Variants in EGF observed in about 807,000 individuals in gnomAD.
The protein encoded by EGF is epidermal growth factor, also known as pro-epidermal growth factor.
EGF carries 95 observed loss-of-function variants against 143.8 expected under a neutral mutation model. That is an observed-to-expected ratio of 0.66 (90% CI 0.56 to 0.78). The LOEUF (loss-of-function observed/expected upper bound fraction) is 0.78. Ranked by LOEUF, EGF falls within the 30% of genes least tolerant of loss-of-function variation. The probability of loss-of-function intolerance (pLI) is 0.00; values close to 1 mark genes in which losing one functional copy is unlikely to be tolerated. For synonymous variants in EGF, 510 were observed against 510.5 expected (o/e 1.00, Z 0.01); for missense variants, 1,320 against 1,470.9 (o/e 0.90, Z 1.68).
chr4:110,013,454 G>A lies in EGF; in HGVS notation c.*1999G>A, dbSNP rs528465427. 5.9e-5 allele frequency among the ~76,000 whole-genome samples: 9 copies of A among 152,044 alleles called. No homozygotes were observed. The South Asian group carries it at 1.0e-3, about 18-fold the overall frequency. On this transcript the variant is annotated 3_prime_UTR_variant, in exon 24 of 24. Coordinates refer to ENST00000265171, the MANE Select transcript of EGF (RefSeq NM_001963.6). ...CTAGGCTATCTACCAGCTCCTGGTC[G>A]GATTAAAGAAAAAACACACTTTGTG...
chr4:109,917,976 A>C (rs1736997814), intron 1 of EGF, among the ~76,000 whole-genome samples: 1 of 152,216 alleles, frequency 6.6e-6, no homozygotes, highest in Admixed American at 6.5e-5. Context: ...TAAAATAATT[A>C]AAATGTAAGC....
chr4:109,932,016 C>T (rs1475889870), intron 1 of EGF, among the ~76,000 whole-genome samples: 3 of 151,292 alleles, frequency 2.0e-5, no homozygotes, highest in African/African-American at 7.3e-5. Flanking sequence ...TTCTCTTTTC[C>T]CTTTGACTTA....
chr4:109,993,381 G>T lies in EGF; in HGVS notation c.2857+12G>T. The T allele has an allele frequency of 6.2e-7, 1 of 1,612,950 alleles. No individual in the cohort carries two copies. The highest frequency in any genetic ancestry group is 8.5e-7 in the Non-Finnish European group (1 of 1,179,486). On this transcript the variant is annotated intron_variant, in intron 19 of 23. Transcript: ENST00000265171. ...ACTGATTTGCCCTGGTAGGTTGGTG[G>T]GTGGTCTACAGTGAAGGGGAGGGAC...
chr4:109,959,994 C>G (rs895328511), intron 6 of EGF, among the ~76,000 whole-genome samples: 12 of 152,146 alleles, frequency 7.9e-5, no homozygotes, highest in Non-Finnish European at 1.6e-4. Context: ...GAAAAGAATC[C>G]AATGGCTGCA....
intron 1 of EGF, among the ~76,000 whole-genome samples, chr4:109,916,988 A>T (rs557983876): frequency 2.1e-4 from 32 of 152,322 alleles, no homozygotes; most frequent in Middle Eastern, 3.4e-3. Flanking sequence ...GATTTGAGTA[A>T]GTACCTTTGT....
At chr4:109,982,962 T>C (rs1164964120) in intron 15 of EGF, among the ~76,000 whole-genome samples, 2 of 152,214 alleles carry the variant, frequency 1.3e-5, no homozygotes, top group Non-Finnish European at 2.9e-5. Flanking sequence ...TATTAAATCA[T>C]GACTTTTTAA....
At chr4:109,924,862 C>T (rs971795548) in intron 1 of EGF, among the ~76,000 whole-genome samples, 6 of 152,126 alleles carry the variant, frequency 3.9e-5, no homozygotes, top group Middle Eastern at 3.2e-3. Flanking sequence ...AACAAGAAGA[C>T]AGCCTGAAAA....
chr4:109,997,459 A>T (rs1319111081), intron 20 of EGF, among the ~76,000 whole-genome samples: 4 of 150,266 alleles, frequency 2.7e-5, no homozygotes, highest in Middle Eastern at 3.4e-3. Flanking sequence ...TCTCTACCAA[A>T]TTTTTTTTTT....
At chr4:109,928,844 A>C (rs908503504) in intron 1 of EGF, among the ~76,000 whole-genome samples, 3 of 152,224 alleles carry the variant, frequency 2.0e-5, no homozygotes, top group African/African-American at 7.2e-5. Context: ...GGAGGGTGTA[A>C]TAAGGCATGT....
At chr4:109,930,043 C>A in intron 1 of EGF, among the ~76,000 whole-genome samples, 1 of 152,096 alleles carries the variant, frequency 6.6e-6, no homozygotes, top group East Asian at 1.9e-4. Flanking sequence ...GGGGCTTCAC[C>A]GCTTTGCTGT....
At chr4:109,964,653 G>A (rs1214579242) in intron 10 of EGF, 116 bp downstream of exon 10, 3 of 1,416,278 alleles carry the variant, frequency 2.1e-6, no homozygotes, top group Admixed American at 4.0e-5. Flanking sequence ...TGAATGATTA[G>A]GCACAGAACA....
At chr4:109,964,280 T>A in intron 9 of EGF, 121 bp from the exon 10 acceptor site, 1 of 1,408,800 alleles carries the variant, frequency 7.1e-7, no homozygotes, top group Non-Finnish European at 1.0e-6. Flanking sequence ...TAGAGGGAAA[T>A]TAAGAAAACA....
chr4:110,012,371 T>G lies in EGF; in HGVS notation c.*916T>G, dbSNP rs995168339. On this transcript the variant is annotated 3_prime_UTR_variant, in exon 24 of 24. Transcript: ENST00000265171. ...TTGCTGATGTTTCTGTTTTTCGTTT[T>G]TTTTTTTTTTCCGGAGAGAGGATAG... 6 of 151,498 alleles carry G rather than the reference T, an allele frequency of 4.0e-5. No individual in the cohort carries two copies. Among genetic ancestry groups the G allele is most frequent in the African/African-American group, 1.5e-4 (6 of 40,990 alleles). The allele number at this position is 151,498 out of a possible 1,614,324, so 9.4% of individuals were successfully genotyped here.
In EGF at chr4:109,994,875, A is replaced by G. The variant is rs190069489; in HGVS notation, c.3000A>G (p.Ala1000=). The change falls in exon 20 of 24, where the codon GCA becomes GCG. Residue 1000 remains alanine (A), a synonymous_variant. Transcript: ENST00000265171. The stretch of plus-strand genomic sequence containing the variant: ...ATATTGAAGCATTGGACAAGTATGC[A>G]TGCAAGTAAGTTAAACTGTCTTGCT... ...CMYIEALDKY[A]CNCVVGYIGE... is the part of the protein sequence containing the mutation. The G allele has an allele frequency of 1.7e-5, 27 of 1,614,166 alleles. No individual in the cohort carries two copies. The highest frequency in any genetic ancestry group is 2.7e-5 in the African/African-American group (2 of 75,064).
chr4:109,977,123 T>G (rs1216125373), intron 13 of EGF: 2 of 152,178 alleles, frequency 1.3e-5, no homozygotes, highest in African/African-American at 4.8e-5. Context: ...TAAAAATTAT[T>G]GTGCATAAAA....
Position 109,977,269 on chromosome 4 carries a change from C to T in EGF, c.2053+1034C>T, listed in dbSNP as rs537134028. Reference sequence around the variant, plus strand: ...TCTCATTTAGGAAGAAGCTAACCAACTAATAATCTGTATAAGATACCTATT... The same window carrying T: ...TCTCATTTAGGAAGAAGCTAACCAATTAATAATCTGTATAAGATACCTATT... On this transcript the variant is annotated intron_variant, in intron 13 of 23. Transcript: ENST00000265171. 11 of 152,222 alleles carry T rather than the reference C, an allele frequency of 7.2e-5. No individual in the cohort carries two copies. The South Asian group carries it at 1.5e-3, about 20-fold the overall frequency. The allele number at this position is 152,222 out of a possible 1,614,324, so 9.4% of individuals were successfully genotyped here. A position where few individuals can be genotyped will look rare whatever the true frequency, so the allele number is the denominator to read the frequency against.
At chr4:110,006,811 T>C (rs374868350) in intron 22 of EGF, among the ~76,000 whole-genome samples, 1 of 152,232 alleles carries the variant, frequency 6.6e-6, no homozygotes, top group African/African-American at 2.4e-5. Context: ...CCCACAGCCG[T>C]CATAACTGTC....
In EGF at chr4:110,006,477, T is replaced by A. The variant is rs113617586; in HGVS notation, c.3292-1675T>A. Reference sequence around the variant, plus strand: ...CAAGGGGTTTGGATTAGATGATCTCTAAGATCCCTTCAGTCTTTATCAGTC... The same window carrying A: ...CAAGGGGTTTGGATTAGATGATCTCAAAGATCCCTTCAGTCTTTATCAGTC... On this transcript the variant is annotated intron_variant, in intron 22 of 23. Transcript: ENST00000265171. Among the ~76,000 whole-genome samples, 703 of 152,370 alleles carry A rather than the reference T, an allele frequency of 4.6e-3. 4 individuals carry two copies. Among genetic ancestry groups the A allele is most frequent in the African/African-American group, 0.015 (640 of 41,582 alleles).
At chr4:109,970,133 G>A (rs998078902) in intron 11 of EGF, among the ~76,000 whole-genome samples, 1 of 152,136 alleles carries the variant, frequency 6.6e-6, no homozygotes, top group Non-Finnish European at 1.5e-5. Context: ...AGAGCTGCAG[G>A]AAGGGCTACT....
Sources: gnomAD v4.1 joint callset for allele counts (sites outside exome capture counted in the v4.1 genomes callset) on GRCh38, gnomAD v4.1.1 for gene constraint, MANE v1.5 for transcripts, NCBI Gene and HGNC (gene_info 2026-07-23, HGNC 2026-07-21) for gene names.